WASF2: variants seen among roughly 807,000 people sequenced by gnomAD.
WASF2 encodes actin-binding protein WASF2.
A neutral mutation model predicts 45.0 loss-of-function variants in WASF2; 14 were observed. The ratio of observed to expected loss-of-function variants is 0.31; its 90% CI spans 0.21 to 0.49. The LOEUF (loss-of-function observed/expected upper bound fraction) is 0.49. WASF2 is among the 20% of genes least tolerant of loss of function. The probability of loss-of-function intolerance (pLI) is 0.99; values close to 1 mark genes in which losing one functional copy is unlikely to be tolerated. For missense variants in WASF2, 439 were observed against 636.1 expected (o/e 0.69, Z 3.33); for synonymous variants, 200 against 236.3 (o/e 0.85, Z 1.41).
At chr1:27,443,208 T>C (rs1263678032) in intron 1 of WASF2, among the ~76,000 whole-genome samples, 1 of 149,082 alleles carries the variant, frequency 6.7e-6, no homozygotes, top group East Asian at 2.0e-4. Context: ...TGGTAGCATG[T>C]ACCTGTGGTC....
chr1:27,457,543 G>A (rs991455371), intron 1 of WASF2, among the ~76,000 whole-genome samples: 6 of 151,928 alleles, frequency 3.9e-5, no homozygotes, highest in African/African-American at 9.7e-5. Context: ...AAGACAAAAC[G>A]GATAGAAGAA....
intron 1 of WASF2, among the ~76,000 whole-genome samples, chr1:27,429,358 T>C (rs1557602318): frequency 6.6e-6 from 1 of 152,100 alleles, no homozygotes; most frequent in Non-Finnish European, 1.5e-5. Context: ...CCACCAATTA[T>C]AAAGATCAAA....
At chr1:27,455,159 T>A (rs1299046315) in intron 1 of WASF2, among the ~76,000 whole-genome samples, 1 of 152,152 alleles carries the variant, frequency 6.6e-6, no homozygotes, top group Non-Finnish European at 1.5e-5. Flanking sequence ...CTGATGAACA[T>A]AAAACCAATA....
Position 27,408,282 on chromosome 1 carries a change from G to A in WASF2, c.1404C>T (p.Asp468=), listed in dbSNP as rs776113423. The A allele has an allele frequency of 5.6e-5, 90 of 1,614,038 alleles. No homozygotes were observed. In the South Asian group the frequency reaches 8.7e-4, roughly 16 times the overall value. The change falls in exon 9 of 9, where the codon GAC becomes GAT. Residue 468 remains aspartate (D), a synonymous_variant. Coordinates refer to ENST00000618852, the MANE Select transcript of WASF2 (RefSeq NM_006990.5). ...EQEKRDVVGN[D]VATILSRRIA... is the part of the protein sequence containing the mutation. ...TGCGACGAGACAAGATGGTGGCCAC[G>A]TCATTGCCCACAACATCCCGCTTCT...
chr1:27,414,921 G>C lies in WASF2; in HGVS notation c.580C>G (p.Arg194Gly). 6.2e-7 allele frequency: 1 copy of C among 1,614,042 alleles called. No individual in the cohort carries two copies. The highest frequency in any genetic ancestry group is 8.5e-7 in the Non-Finnish European group (1 of 1,179,988). ...DNPNRGNVNPRKIKTRKEEWE... is the reference protein window; with the variant it reads ...DNPNRGNVNPGKIKTRKEEWE... ...TCTTCCTTACGTGTCTTGATTTTAC[G>C]TGGGTTTACATTCCCTCGATTTGGA... Residue 194 changes from arginine (R) to glycine (G), a missense_variant, in exon 6 of 9, where the codon CGT (arginine) becomes GGT (glycine). This residue lies in a region of WASF2 where 23 missense variants were observed against 69.7 expected (regional missense o/e 0.33). Transcript: ENST00000618852. The surrounding 1 kb of genome is among the most constrained non-coding windows in gnomAD (Gnocchi z 4.1).
At chr1:27,418,868 T>G in intron 3 of WASF2, 86 bp downstream of exon 3, 1 of 525,584 alleles carries the variant, frequency 1.9e-6, no homozygotes, top group Non-Finnish European at 2.7e-6. Flanking sequence ...TCTCCTCACG[T>G]TTTTTTTTTT....
chr1:27,449,138 C>T (rs977556929), intron 1 of WASF2, among the ~76,000 whole-genome samples: 7 of 152,162 alleles, frequency 4.6e-5, no homozygotes, highest in African/African-American at 1.7e-4. Flanking sequence ...TAACGGTTCT[C>T]TAAATATCCA....
At chr1:27,485,639 T>C (rs1228888197) in intron 1 of WASF2, among the ~76,000 whole-genome samples, 2 of 152,112 alleles carry the variant, frequency 1.3e-5, no homozygotes, top group African/African-American at 2.4e-5. Context: ...GTAATATTGT[T>C]TTTAGGACAC....
intron 1 of WASF2, among the ~76,000 whole-genome samples, chr1:27,451,346 C>T (rs1178390733): frequency 6.6e-6 from 1 of 152,124 alleles, no homozygotes; most frequent in Non-Finnish European, 1.5e-5. Flanking sequence ...ACAAATAAAG[C>T]TAGTTAAGAA....
chr1:27,486,812 T>C (rs1381246061), intron 1 of WASF2, among the ~76,000 whole-genome samples: 4 of 151,740 alleles, frequency 2.6e-5, no homozygotes, highest in Non-Finnish European at 4.4e-5. Context: ...TAGTCCCAGA[T>C]ACTTGGGAGG....
At chr1:27,485,269 C>G (rs1208027257) in intron 1 of WASF2, among the ~76,000 whole-genome samples, 1 of 151,554 alleles carries the variant, frequency 6.6e-6, no homozygotes, top group South Asian at 2.1e-4. Flanking sequence ...GAGCAAAGAC[C>G]CTACAAATTA....
intron 4 of WASF2, among the ~76,000 whole-genome samples, chr1:27,417,759 G>A (rs754435791): frequency 1.7e-4 from 26 of 152,214 alleles, no homozygotes; most frequent in Non-Finnish European, 3.1e-4. Flanking sequence ...TGCTCATTTG[G>A]AAGAATGCGA....
Position 27,410,251 on chromosome 1 carries a change from C to T in WASF2, c.825-45G>A. ...AAGACTCACCATCACCCTTAGAATGCAGACACCTATCTACAGTTAGCCTTG... is the reference window on the plus strand; with the variant it reads ...AAGACTCACCATCACCCTTAGAATGTAGACACCTATCTACAGTTAGCCTTG... On this transcript the variant is annotated intron_variant, in intron 7 of 8. Coordinates refer to ENST00000618852, the MANE Select transcript of WASF2 (RefSeq NM_006990.5). The surrounding 1 kb of genome is among the most constrained non-coding windows in gnomAD (Gnocchi z 4.2). 1.9e-6 allele frequency: 3 copies of T among 1,608,852 alleles called. No homozygotes were observed. The highest frequency in any genetic ancestry group is 2.5e-6 in the Non-Finnish European group (3 of 1,177,010).
intron 1 of WASF2, among the ~76,000 whole-genome samples, chr1:27,479,803 T>A (rs1195666831): frequency 6.6e-6 from 1 of 152,230 alleles, no homozygotes; most frequent in East Asian, 1.9e-4. Context: ...AGGCAGAAGC[T>A]GCAGTGAGCC....
intron 1 of WASF2, among the ~76,000 whole-genome samples, chr1:27,433,783 T>A (rs2017097357): frequency 1.3e-5 from 2 of 152,206 alleles, no homozygotes; most frequent in South Asian, 4.1e-4. Context: ...CACTAAGTGA[T>A]AAAATGTATG....
intron 1 of WASF2, among the ~76,000 whole-genome samples, chr1:27,440,994 G>A (rs1285937540): frequency 6.6e-6 from 1 of 151,616 alleles, no homozygotes; most frequent in Non-Finnish European, 1.5e-5. Flanking sequence ...AGCCTCCCAA[G>A]TAGCTGGGAC....
At chr1:27,427,735 G>A (rs143347703) in intron 2 of WASF2, among the ~76,000 whole-genome samples, 340 of 152,292 alleles carry the variant, frequency 2.2e-3, no homozygotes, top group Admixed American at 4.5e-3. Context: ...ACGGGAGAAT[G>A]CAGGCTTTCT....
In WASF2 at chr1:27,489,380, C is replaced by CACACACAG. The variant is rs1352903178; in HGVS notation, c.-44+605_-44+606insCTGTGTGT. On this transcript the variant is annotated intron_variant, in intron 1 of 8. Transcript: ENST00000618852. ...ACACACACACACACACACACACACA[C>CACACACAG]ACACACACACAGTGTCCTCCTCAAT... Among the ~76,000 whole-genome samples, 6 of 142,284 alleles carry CACACACAG rather than the reference C, an allele frequency of 4.2e-5. 1 individual carries two copies. Among genetic ancestry groups the CACACACAG allele is most frequent in the Non-Finnish European group, 9.1e-5 (6 of 66,122 alleles). 93.3% of individuals were successfully genotyped at this position (142,284 alleles called of 152,430 possible). A position where few individuals can be genotyped will look rare whatever the true frequency, so the allele number is the denominator to read the frequency against.
rs781351426 is a variant in WASF2 at position 27,418,999 on chromosome 1, G to C, written c.220C>G (p.Arg74Gly). Reference sequence around the variant, plus strand: ...AGCTGAGTGACTTTAACCTGTAGTCGGTCGACCCTCTCAGCAAGGGAGCTT... The same window carrying C: ...AGCTGAGTGACTTTAACCTGTAGTCCGTCGACCCTCTCAGCAAGGGAGCTT... ...RVSSLAERVD[R>G]LQVKVTQLDP... The change falls in exon 3 of 9, where the codon CGA becomes GGA. Residue 74 changes from arginine to glycine, a missense_variant. Transcript: ENST00000618852. The C allele has an allele frequency of 1.2e-6, 2 of 1,613,824 alleles. No homozygotes were observed. The highest frequency in any genetic ancestry group is 3.3e-5 in the Admixed American group (2 of 59,984).
Sources: gnomAD v4.1 joint callset for allele counts (sites outside exome capture counted in the v4.1 genomes callset) on GRCh38, gnomAD v4.1.1 for gene constraint, gnomAD v4.1.1 regional missense constraint, Gnocchi (gnomAD v3.1) non-coding constraint, MANE v1.5 for transcripts, NCBI Gene and HGNC (gene_info 2026-07-23, HGNC 2026-07-21) for gene names.